The following CA8 variants were observed in gnomAD, a reference collection of about 807,000 sequenced individuals.
CA8 encodes carbonic anhydrase 8 (inactive), also known as carbonic anhydrase-related protein.
A neutral mutation model predicts 41.4 loss-of-function variants in CA8; 22 were observed. The observed-to-expected ratio is 0.53, with a 90% CI of 0.38 to 0.76. CA8 has a LOEUF of 0.76. Among genes scored for constraint, CA8 ranks in the 30% least tolerant of loss-of-function variants. The pLI is 0.00. For missense variants in CA8, 270 were observed against 352.8 expected, an observed-to-expected ratio of 0.77 and a Z score of 1.88; for synonymous variants, 121 against 130.6, an observed-to-expected ratio of 0.93 and a Z score of 0.50.
chr8:60,280,045 A>C lies in CA8; in HGVS notation c.101-165T>G, dbSNP rs184481078. On this transcript the variant is annotated intron_variant, in intron 1 of 8. Transcript: ENST00000317995. ...AATTCTATTTGTTTTTGCATTCATTATTTGAATGATCTGTTATTATCAAAT... is the reference window on the plus strand; with the variant it reads ...AATTCTATTTGTTTTTGCATTCATTCTTTGAATGATCTGTTATTATCAAAT... Among the ~76,000 whole-genome samples the C allele has an allele frequency of 1.9e-3, 286 of 152,278 alleles. 1 individual carries two copies. The highest frequency in any genetic ancestry group is 6.5e-3 in the African/African-American group (268 of 41,548).
chr8:60,209,164 T>TA (rs1423436738), intron 7 of CA8, among the ~76,000 whole-genome samples: 2 of 152,106 alleles, frequency 1.3e-5, no homozygotes, highest in Admixed American at 6.6e-5. Flanking sequence ...CTCAAATAGA[T>TA]AAAGAAATCT....
chr8:60,220,511 C>T (rs1319411180), intron 7 of CA8, among the ~76,000 whole-genome samples: 3 of 152,248 alleles, frequency 2.0e-5, no homozygotes, highest in Middle Eastern at 3.4e-3. Context: ...TGGCAGCACT[C>T]GTCCACAGCA....
intron 8 of CA8, among the ~76,000 whole-genome samples, chr8:60,202,210 A>AT (rs377462858): frequency 0.058 from 8,043 of 139,564 alleles, 367 homozygotes; most frequent in African/African-American, 0.13. Context: ...TTCCCAGCTA[A>AT]TTTTTTTTTT....
intron 2 of CA8, among the ~76,000 whole-genome samples, chr8:60,266,350 C>A (rs1235727758): frequency 6.6e-6 from 1 of 152,122 alleles, no homozygotes; most frequent in Non-Finnish European, 1.5e-5. Context: ...AAAACAAATT[C>A]CTCCCTTAGA....
At chr8:60,228,370 C>A (rs1054579477) in intron 4 of CA8, among the ~76,000 whole-genome samples, 1 of 148,712 alleles carries the variant, frequency 6.7e-6, no homozygotes, top group Non-Finnish European at 1.5e-5. Flanking sequence ...GAGAAATGGA[C>A]TTCTCTTTTG....
chr8:60,221,432 C>T (rs899253859), intron 7 of CA8, among the ~76,000 whole-genome samples: 5 of 152,158 alleles, frequency 3.3e-5, no homozygotes, highest in Admixed American at 6.5e-5. Flanking sequence ...AAATTAAAAG[C>T]AAAGTGCATT....
At chr8:60,190,710 T>C (rs1444672669) in intron 8 of CA8, among the ~76,000 whole-genome samples, 1 of 150,190 alleles carries the variant, frequency 6.7e-6, no homozygotes, top group Non-Finnish European at 1.5e-5. Context: ...ATAATAGACA[T>C]ATAATTATCC....
chr8:60,230,921 T>C (rs1807627231), intron 4 of CA8, among the ~76,000 whole-genome samples: 1 of 152,152 alleles, frequency 6.6e-6, no homozygotes, highest in Non-Finnish European at 1.5e-5. Flanking sequence ...GAGTACCAAT[T>C]CCAAAGATGA....
At chr8:60,263,370 AGAGT>A (rs1803796381) in intron 3 of CA8, among the ~76,000 whole-genome samples, 1 of 152,008 alleles carries the variant, frequency 6.6e-6, no homozygotes, top group African/African-American at 2.4e-5. Flanking sequence ...TGTAACAGAC[AGAGT>A]AAGTATTTGC....
chr8:60,273,355 T>C (rs867294678), intron 2 of CA8, among the ~76,000 whole-genome samples: 2 of 152,250 alleles, frequency 1.3e-5, no homozygotes, highest in Non-Finnish European at 2.9e-5. Context: ...ATGGGTTTTC[T>C]TGTGAGAAAT....
At chr8:60,214,299 A>C (rs1363768793) in intron 7 of CA8, among the ~76,000 whole-genome samples, 9 of 152,202 alleles carry the variant, frequency 5.9e-5, no homozygotes, top group African/African-American at 1.9e-4. Flanking sequence ...TGCTGTGTGA[A>C]GCCTCTTTCT....
chr8:60,276,236 A>T (rs1041619252), intron 2 of CA8, among the ~76,000 whole-genome samples: 4 of 152,190 alleles, frequency 2.6e-5, no homozygotes, highest in African/African-American at 9.7e-5. Flanking sequence ...GAAACATCCG[A>T]TCTAACACAG....
At chr8:60,232,196 G>T in intron 4 of CA8, 88 bp downstream of exon 4, 1 of 930,536 alleles carries the variant, frequency 1.1e-6, no homozygotes, top group Non-Finnish European at 1.8e-6. Context: ...TCATCTCTAA[G>T]CAATAAAATT....
In CA8 at chr8:60,281,215, G is replaced by T. The variant is rs1011478246; in HGVS notation, c.-68C>A. The T allele has an allele frequency of 8.9e-5, 104 of 1,162,610 alleles. 1 individual carries two copies. In the Admixed American group the frequency reaches 2.0e-3, roughly 22 times the overall value. 72.0% of individuals were successfully genotyped at this position (1,162,610 alleles called of 1,614,324 possible). A position where few individuals can be genotyped will look rare whatever the true frequency, so the allele number is the denominator to read the frequency against. On this transcript the variant is annotated 5_prime_UTR_variant, in exon 1 of 9. Coordinates refer to ENST00000317995, the MANE Select transcript of CA8 (RefSeq NM_004056.6). ...TGCGCCTTCGCTGGGCGCGGGGCTG[G>T]AGCCGGAGCGGAGCGCGCGTGGGGG...
chr8:60,242,132 T>C (rs564286722), intron 3 of CA8, among the ~76,000 whole-genome samples: 1 of 152,300 alleles, frequency 6.6e-6, no homozygotes, highest in South Asian at 2.1e-4. Context: ...ATAAGAAATT[T>C]ATAGCCCAAT....
chr8:60,230,998 T>A (rs11780368), intron 4 of CA8, among the ~76,000 whole-genome samples: 1 of 152,124 alleles, frequency 6.6e-6, no homozygotes, highest in African/African-American at 2.4e-5. Context: ...TTTTATTTTA[T>A]TATTTTTTAT....
chr8:60,207,669 T>C (rs1487091436), intron 8 of CA8, among the ~76,000 whole-genome samples: 1 of 152,230 alleles, frequency 6.6e-6, no homozygotes, highest in Admixed American at 6.5e-5. Context: ...ATACATCAAC[T>C]TCTCTCCACC....
chr8:60,230,158 C>A (rs903397604), intron 4 of CA8, among the ~76,000 whole-genome samples: 1 of 152,202 alleles, frequency 6.6e-6, no homozygotes, highest in Admixed American at 6.5e-5. Context: ...CAATGTCCTG[C>A]CTTTCTCCAC....
intron 2 of CA8, among the ~76,000 whole-genome samples, chr8:60,278,242 T>C (rs1408165239): frequency 6.6e-6 from 1 of 152,232 alleles, no homozygotes; most frequent in Non-Finnish European, 1.5e-5. Flanking sequence ...TAGTCATTGC[T>C]CTCTGCTCCC....
Sources: gnomAD v4.1 joint callset for allele counts (sites outside exome capture counted in the v4.1 genomes callset) on GRCh38, gnomAD v4.1.1 for gene constraint, MANE v1.5 for transcripts, NCBI Gene and HGNC (gene_info 2026-07-23, HGNC 2026-07-21) for gene names.